Variants in ADGRL3 observed in about 807,000 individuals in gnomAD.
ADGRL3 encodes adhesion G protein-coupled receptor L3.
Under a neutral mutation model 153.5 loss-of-function variants are expected in ADGRL3, and 62 were observed. That is an observed-to-expected ratio of 0.40 (90% CI 0.33 to 0.50). ADGRL3 has a LOEUF of 0.50. ADGRL3 is among the 20% of genes least tolerant of loss of function. The pLI, the probability that ADGRL3 is intolerant of heterozygous loss-of-function variation, is 0.47. For missense variants in ADGRL3, 1,641 were observed against 1,859.4 expected (o/e 0.88, Z 2.16); for synonymous variants, 710 against 672.5 (o/e 1.06, Z -0.86).
At chr4:61,648,756 C>G (rs1310804417) in intron 5 of ADGRL3, among the ~76,000 whole-genome samples, 2 of 152,022 alleles carry the variant, frequency 1.3e-5, no homozygotes, top group African/African-American at 4.8e-5. Context: ...GTGCCAGACA[C>G]TGTTAAGCAC....
At chr4:61,299,539 T>C (rs918989766) in intron 1 of ADGRL3, among the ~76,000 whole-genome samples, 1 of 152,178 alleles carries the variant, frequency 6.6e-6, no homozygotes, top group African/African-American at 2.4e-5. Flanking sequence ...CTATGCACAA[T>C]GTTGCCACCT....
At position 61,845,415 on chromosome 4, in the gene ADGRL3, A is replaced by G. The variant is rs796475751; in HGVS notation, c.1480+31526A>G. ...CCTGGGCTGGGAGTACAGTGGCATG[A>G]TCATGGCGCACTGCACCCTCACACT... is the stretch of plus-strand genomic sequence containing the variant. On this transcript the variant is annotated intron_variant, in intron 9 of 26. Coordinates refer to ENST00000683033, the MANE Select transcript of ADGRL3 (RefSeq NM_001387552.1). 1.4e-4 allele frequency among the ~76,000 whole-genome samples: 21 copies of G among 152,124 alleles called. 1 individual carries two copies. Among genetic ancestry groups the G allele is most frequent in the African/African-American group, 5.1e-4 (21 of 41,510 alleles).
chr4:61,658,632 A>C (rs567335355), intron 5 of ADGRL3, among the ~76,000 whole-genome samples: 1 of 152,154 alleles, frequency 6.6e-6, no homozygotes, highest in African/African-American at 2.4e-5. Flanking sequence ...TTACCTTTCA[A>C]CCTTTTCTCT....
intron 4 of ADGRL3, among the ~76,000 whole-genome samples, chr4:61,571,410 G>T (rs2098838213): frequency 6.6e-6 from 1 of 152,076 alleles, no homozygotes; most frequent in Non-Finnish European, 1.5e-5. Context: ...CTACTCAGGA[G>T]GCTGAGACGA....
At chr4:61,219,694 A>G (rs1179543922) in intron 1 of ADGRL3, among the ~76,000 whole-genome samples, 1 of 152,046 alleles carries the variant, frequency 6.6e-6, no homozygotes, top group Non-Finnish European at 1.5e-5. Flanking sequence ...TAAATATTTT[A>G]TTTTCCCCGT....
chr4:61,746,765 A>G (rs2151991181), intron 8 of ADGRL3, among the ~76,000 whole-genome samples: 1 of 152,342 alleles, frequency 6.6e-6, no homozygotes, highest in East Asian at 1.9e-4. Flanking sequence ...GGAAAGATCC[A>G]AAATTGACAC....
chr4:61,392,805 G>C (rs2096828885), intron 2 of ADGRL3, among the ~76,000 whole-genome samples: 4 of 147,898 alleles, frequency 2.7e-5, no homozygotes, highest in Admixed American at 1.4e-4. Context: ...AAACCTCTCA[G>C]ATTAAATACA....
chr4:61,994,209 G>A (rs1004223010), intron 19 of ADGRL3, among the ~76,000 whole-genome samples: 1 of 152,192 alleles, frequency 6.6e-6, no homozygotes, highest in Non-Finnish European at 1.5e-5. Flanking sequence ...GTACAGTGCC[G>A]GGTTCATGAC....
At chr4:61,967,942 A>G (rs1397967134) in intron 17 of ADGRL3, among the ~76,000 whole-genome samples, 1 of 152,160 alleles carries the variant, frequency 6.6e-6, no homozygotes, top group East Asian at 1.9e-4. Flanking sequence ...TGGCAAGGAT[A>G]CTTTTGTCAG....
rs202056389 is a variant in ADGRL3 at position 61,814,034 on chromosome 4, CA to C, written c.1480+147del. On this transcript the variant is annotated intron_variant, in intron 9 of 26. Transcript: ENST00000683033. ...GTATGTGAGTAATCTGGAGATAAAG[CA>C]AGTCTCATTTATAAACAAAAATGTG... The C allele has an allele frequency of 2.1e-5, 22 of 1,043,518 alleles. No homozygotes were observed. In the East Asian group the frequency reaches 5.3e-4, roughly 25 times the overall value. 64.6% of individuals were successfully genotyped at this position (1,043,518 alleles called of 1,614,324 possible).
chr4:61,651,027 G>A (rs2094225610), intron 5 of ADGRL3, among the ~76,000 whole-genome samples: 1 of 152,088 alleles, frequency 6.6e-6, no homozygotes, highest in African/African-American at 2.4e-5. Context: ...ATTTAAATAA[G>A]TAATCTATCA....
intron 4 of ADGRL3, among the ~76,000 whole-genome samples, chr4:61,543,461 C>G (rs2148670810): frequency 6.6e-6 from 1 of 152,278 alleles, no homozygotes; most frequent in East Asian, 1.9e-4. Flanking sequence ...AGGAACATAG[C>G]CTTCCTGACT....
intron 4 of ADGRL3, among the ~76,000 whole-genome samples, chr4:61,573,132 T>C (rs1200924768): frequency 6.6e-6 from 1 of 151,994 alleles, no homozygotes; most frequent in Non-Finnish European, 1.5e-5. Context: ...AAGCATAGTG[T>C]AAGGTATTGC....
intron 1 of ADGRL3, among the ~76,000 whole-genome samples, chr4:61,335,940 A>G (rs764905346): frequency 2.6e-5 from 4 of 152,180 alleles, no homozygotes; most frequent in Non-Finnish European, 2.9e-5. Flanking sequence ...ACACCTCACT[A>G]TTTGAAGCTG....
chr4:61,200,835 C>T lies in ADGRL3; in HGVS notation c.-1170C>T, dbSNP rs1310640870. ...CCGGGGCCGCGCGATGAAGCTCCCACATGCCCGCAGCTGCCCGGCCCGGCC... is the reference window on the plus strand; with the variant it reads ...CCGGGGCCGCGCGATGAAGCTCCCATATGCCCGCAGCTGCCCGGCCCGGCC... On this transcript the variant is annotated 5_prime_UTR_variant, in exon 1 of 27. Transcript: ENST00000683033. 6.6e-6 allele frequency among the ~76,000 whole-genome samples: 1 copy of T among 152,032 alleles called. No individual in the cohort carries two copies. The highest frequency in any genetic ancestry group is 1.5e-5 in the Non-Finnish European group (1 of 67,988).
At chr4:61,467,364 C>A (rs1050132796) in intron 2 of ADGRL3, among the ~76,000 whole-genome samples, 1 of 151,918 alleles carries the variant, frequency 6.6e-6, no homozygotes, top group African/African-American at 2.4e-5. Flanking sequence ...TACTATAAAT[C>A]ATAAATTTAA....
At chr4:61,288,625 T>C (rs1368782238) in intron 1 of ADGRL3, among the ~76,000 whole-genome samples, 1 of 152,012 alleles carries the variant, frequency 6.6e-6, no homozygotes, top group African/African-American at 2.4e-5. Flanking sequence ...GGGTGGTAAA[T>C]GCATATCTGA....
At chr4:61,923,545 G>A (rs2098780122) in intron 13 of ADGRL3, among the ~76,000 whole-genome samples, 2 of 152,046 alleles carry the variant, frequency 1.3e-5, no homozygotes, top group African/African-American at 4.8e-5. Context: ...ACACTGCCAG[G>A]AGATGTAAAT....
At chr4:61,828,494 A>G (rs919390184) in intron 9 of ADGRL3, among the ~76,000 whole-genome samples, 3 of 152,202 alleles carry the variant, frequency 2.0e-5, no homozygotes, top group Non-Finnish European at 2.9e-5. Flanking sequence ...TAATACAGAA[A>G]TTTGATGTTG....
Sources: gnomAD v4.1 joint callset for allele counts (sites outside exome capture counted in the v4.1 genomes callset) on GRCh38, gnomAD v4.1.1 for gene constraint, MANE v1.5 for transcripts, NCBI Gene and HGNC (gene_info 2026-07-23, HGNC 2026-07-21) for gene names.